Variants in TBC1D1 observed in about 807,000 individuals in gnomAD.
The protein encoded by TBC1D1 is TBC1 (tre-2/USP6, BUB2, cdc16) domain family, member 1.
Under a neutral mutation model 125.6 loss-of-function variants are expected in TBC1D1, and 89 were observed. That is an observed-to-expected ratio of 0.71 (90% confidence interval 0.60 to 0.85). The LOEUF is 0.85. Among genes scored for constraint, TBC1D1 ranks in the 40% least tolerant of loss-of-function variants. The pLI, the probability that TBC1D1 is intolerant of heterozygous loss-of-function variation, is 0.00. For missense variants in TBC1D1, 1,377 were observed against 1,469.2 expected (o/e 0.94, Z 1.03); for synonymous variants, 565 against 564.1 (o/e 1.00, Z -0.02).
intron 12 of TBC1D1, among the ~76,000 whole-genome samples, chr4:38,081,513 C>T (rs1165339764): frequency 6.6e-6 from 1 of 152,156 alleles, no homozygotes; most frequent in Non-Finnish European, 1.5e-5. Context: ...ACAGGTTTCT[C>T]TTCTCCAGTA....
chr4:38,029,261 A>G (rs1272270134), intron 7 of TBC1D1, among the ~76,000 whole-genome samples: 1 of 152,204 alleles, frequency 6.6e-6, no homozygotes, highest in Non-Finnish European at 1.5e-5. Context: ...ACAGCTAGCA[A>G]CTGGGTGGGT....
intron 2 of TBC1D1, among the ~76,000 whole-genome samples, chr4:37,976,827 C>G (rs993050952): frequency 1.3e-5 from 2 of 152,214 alleles, no homozygotes; most frequent in African/African-American, 4.8e-5. Flanking sequence ...CTAAATGGTT[C>G]TTTTTCCTCT....
At chr4:38,003,868 CAAAA>C (rs5857592) in intron 2 of TBC1D1, among the ~76,000 whole-genome samples, 8 of 125,378 alleles carry the variant, frequency 6.4e-5, no homozygotes, top group Admixed American at 7.8e-5. Context: ...GACCCTGTCT[CAAAA>C]AAAAAAAAAA....
intron 12 of TBC1D1, among the ~76,000 whole-genome samples, chr4:38,074,891 G>T (rs1755315936): frequency 1.3e-5 from 2 of 151,980 alleles, no homozygotes; most frequent in African/African-American, 4.8e-5. Flanking sequence ...CTCCCGAGTA[G>T]CTGGGATTGC....
chr4:38,081,815 G>A (rs1014024401), intron 12 of TBC1D1, among the ~76,000 whole-genome samples: 3 of 152,080 alleles, frequency 2.0e-5, no homozygotes, highest in African/African-American at 7.2e-5. Context: ...CCCATTTCCT[G>A]GTAGTTAGTA....
At chr4:37,913,830 A>G (rs573212654) in intron 2 of TBC1D1, among the ~76,000 whole-genome samples, 1 of 150,166 alleles carries the variant, frequency 6.7e-6, no homozygotes, top group East Asian at 2.0e-4. Context: ...TTCTGACCTC[A>G]TCATTCCACT....
At chr4:38,020,416 T>C (rs1743756941) in intron 4 of TBC1D1, among the ~76,000 whole-genome samples, 175 bp from the exon 5 acceptor site, 2 of 152,208 alleles carry the variant, frequency 1.3e-5, no homozygotes, top group South Asian at 4.1e-4. Context: ...AGACAGAGGT[T>C]GCAGTGAGCT....
intron 2 of TBC1D1, among the ~76,000 whole-genome samples, chr4:37,962,992 A>C (rs2152334525): frequency 6.6e-6 from 1 of 152,324 alleles, no homozygotes; most frequent in South Asian, 2.1e-4. Flanking sequence ...CTTTGGCAAT[A>C]AACATCAACT....
At chr4:38,064,476 C>T (rs1009644655) in intron 12 of TBC1D1, among the ~76,000 whole-genome samples, 3 of 152,134 alleles carry the variant, frequency 2.0e-5, no homozygotes, top group Non-Finnish European at 2.9e-5. Flanking sequence ...TAGGCTGAAA[C>T]GGAGGCTGCC....
In TBC1D1 at chr4:38,128,759, G is replaced by A. The variant is rs1478665679; in HGVS notation, c.3132+3628G>A. ...GGACAGAAGACCAAGGGTGTCTGAAGCCTTTGTGGCAGTGTACTTACCAAA... is the reference window on the plus strand; with the variant it reads ...GGACAGAAGACCAAGGGTGTCTGAAACCTTTGTGGCAGTGTACTTACCAAA... On this transcript the variant is annotated intron_variant, in intron 18 of 19. Transcript: ENST00000261439. Among the ~76,000 whole-genome samples, 7 of 152,194 alleles carry A rather than the reference G, an allele frequency of 4.6e-5. No homozygotes were observed. In the East Asian group the frequency reaches 1.3e-3, roughly 29 times the overall value.
rs1766849299 is a variant in TBC1D1, at chr4:38,137,539, A to G, written c.*204A>G. The G allele has an allele frequency of 1.6e-6, 1 of 641,446 alleles. No individual in the cohort carries two copies. Among genetic ancestry groups the G allele is most frequent in the Non-Finnish European group, 2.3e-6 (1 of 433,632 alleles). The allele number at this position is 641,446 out of a possible 1,614,324, so 39.7% of individuals were successfully genotyped here. Reference sequence around the variant, plus strand: ...GTTTTTTTTGTTGTTTTTAGATACTAAATCGTCCCTTCTCCAGTCCTGATT... The same window carrying G: ...GTTTTTTTTGTTGTTTTTAGATACTGAATCGTCCCTTCTCCAGTCCTGATT... On this transcript the variant is annotated 3_prime_UTR_variant, in exon 20 of 20. Transcript: ENST00000261439.
chr4:38,124,855 G>T (rs534269098), intron 17 of TBC1D1, 107 bp from the exon 20 acceptor site: 13 of 871,184 alleles, frequency 1.5e-5, no homozygotes, highest in Non-Finnish European at 2.4e-5. Context: ...GCAATGTGGG[G>T]CTATGTCTCC....
chr4:38,050,723 C>G (rs1392511934), intron 11 of TBC1D1, among the ~76,000 whole-genome samples: 4 of 152,214 alleles, frequency 2.6e-5, no homozygotes, highest in Admixed American at 2.0e-4. Context: ...GTCCCAGGAC[C>G]TATGTGTTCG....
At chr4:38,097,828 T>G (rs1239422993) in intron 14 of TBC1D1, among the ~76,000 whole-genome samples, 1 of 152,234 alleles carries the variant, frequency 6.6e-6, no homozygotes, top group Non-Finnish European at 1.5e-5. Context: ...AAGCAGTGTT[T>G]TTTACTATAG....
In TBC1D1 at chr4:38,049,610, G is replaced by C. The variant is rs181838896; in HGVS notation, c.1630-8G>C. The C allele has an allele frequency of 8.1e-6, 13 of 1,595,492 alleles. No individual in the cohort carries two copies. The African/African-American group carries it at 1.1e-4, about 13-fold the overall frequency. On this transcript the variant is annotated splice_region_variant and splice_polypyrimidine_tract_variant and intron_variant, in intron 10 of 19. Transcript: ENST00000261439. ...GGTGTGTCTGATCTGCTGTGTGTTT[G>C]CTCCCAGGAGCCATCTGTGTGTGAA... is the stretch of plus-strand genomic sequence containing the variant.
chr4:38,053,105 G>T lies in TBC1D1; in HGVS notation c.1911-1094G>T. 6.9e-7 allele frequency: 1 copy of T among 1,451,720 alleles called. No individual in the cohort carries two copies. The highest frequency in any genetic ancestry group is 9.1e-7 in the Non-Finnish European group (1 of 1,102,578). The allele number at this position is 1,451,720 out of a possible 1,614,324, so 89.9% of individuals were successfully genotyped here. ...AACTCTTTTTTCAACCAAACTCTTA[G>T]CATCTCCTACCGTAATGCCCTGCGG... On this transcript the variant is annotated intron_variant, in intron 11 of 19. Coordinates refer to ENST00000261439, the MANE Select transcript of TBC1D1 (RefSeq NM_015173.4).
In TBC1D1 at chr4:37,995,628, A is replaced by G; in HGVS notation, c.418-18881A>G. The G allele has an allele frequency of 2.0e-6, 1 of 498,860 alleles. No individual in the cohort carries two copies. The highest frequency in any genetic ancestry group is 1.5e-5 in the South Asian group (1 of 67,548). 30.9% of individuals were successfully genotyped at this position (498,860 alleles called of 1,614,324 possible). A position where few individuals can be genotyped will look rare whatever the true frequency, so the allele number is the denominator to read the frequency against. On this transcript the variant is annotated intron_variant, in intron 2 of 19. Transcript: ENST00000261439. This position sits in a 1 kb window ranked among gnomAD's most constrained non-coding sequence, Gnocchi z 4.3. ...CCTTGACCTCCCCATAGGCTGTCTT[A>G]TCTCACTTTTGCACCAACGCCTGGT...
At chr4:38,104,969 A>G (rs890226462) in intron 15 of TBC1D1, among the ~76,000 whole-genome samples, 2 of 151,960 alleles carry the variant, frequency 1.3e-5, no homozygotes, top group African/African-American at 4.8e-5. Flanking sequence ...GTTAGCCAGG[A>G]TGGTCTCAAT....
intron 2 of TBC1D1, among the ~76,000 whole-genome samples, chr4:37,904,156 A>G (rs1716785835): frequency 6.6e-6 from 1 of 152,244 alleles, no homozygotes; most frequent in Non-Finnish European, 1.5e-5. Flanking sequence ...TAAATGAGGT[A>G]GCACTCGACC....
Sources: gnomAD v4.1 joint callset for allele counts (sites outside exome capture counted in the v4.1 genomes callset) on GRCh38, gnomAD v4.1.1 for gene constraint, Gnocchi (gnomAD v3.1) non-coding constraint, MANE v1.5 for transcripts, NCBI Gene and HGNC (gene_info 2026-07-23, HGNC 2026-07-21) for gene names.